Variants in ZNF619 observed in about 807,000 individuals in gnomAD.
The protein encoded by ZNF619 is zinc finger protein 619.
In ZNF619, 9 loss-of-function variants were observed where a neutral mutation model predicts 14.2. That is an observed-to-expected ratio of 0.64 (90% CI 0.38 to 1.11). The LOEUF (loss-of-function observed/expected upper bound fraction) is 1.11. Among genes scored for constraint, ZNF619 ranks in the 50% least tolerant of loss-of-function variants. The pLI is 0.01. For missense variants in ZNF619, 659 were observed against 680.1 expected, an observed-to-expected ratio of 0.97 and a Z score of 0.34; for synonymous variants, 246 against 252.8, an observed-to-expected ratio of 0.97 and a Z score of 0.26.
intron 1 of ZNF619, 127 bp from the exon 2 acceptor site, chr3:40,477,791 T>G (rs968668721): frequency 3.4e-6 from 2 of 595,492 alleles, no homozygotes; most frequent in Non-Finnish European, 6.1e-6. Flanking sequence ...CATGAATCAG[T>G]GGAGAGGGTG....
At chr3:40,479,973 A>C (rs1343548134) in intron 2 of ZNF619, among the ~76,000 whole-genome samples, 1 of 152,222 alleles carries the variant, frequency 6.6e-6, no homozygotes, top group Non-Finnish European at 1.5e-5. Context: ...GAAGGGAGTC[A>C]ATAGCCCCAC....
At chr3:40,486,585 C>T (rs745948659) in intron 4 of ZNF619, among the ~76,000 whole-genome samples, 13 of 151,948 alleles carry the variant, frequency 8.6e-5, no homozygotes, top group Non-Finnish European at 1.8e-4. Context: ...CCTGTAATCC[C>T]AGCTACTTGG....
At chr3:40,484,074 C>T (rs1358874935) in intron 4 of ZNF619, among the ~76,000 whole-genome samples, 2 of 151,856 alleles carry the variant, frequency 1.3e-5, no homozygotes, top group Non-Finnish European at 2.9e-5. Flanking sequence ...TACAGGCGCC[C>T]GCCACCACAC....
chr3:40,483,618 T>G (rs1168632469), intron 4 of ZNF619: 1 of 450,188 alleles, frequency 2.2e-6, no homozygotes, highest in Non-Finnish European at 4.4e-6. Context: ...AAAATAGATT[T>G]ATTTATTTAT....
At chr3:40,482,072 C>T (rs1055754517) in intron 3 of ZNF619, 56 bp downstream of exon 3, 2 of 1,557,176 alleles carry the variant, frequency 1.3e-6, no homozygotes, top group Non-Finnish European at 1.7e-6. Context: ...CTCCTAGATT[C>T]CTCCTTAGCA....
At chr3:40,479,070 T>G (rs1575261509) in intron 2 of ZNF619, among the ~76,000 whole-genome samples, 1 of 152,162 alleles carries the variant, frequency 6.6e-6, no homozygotes, top group Non-Finnish European at 1.5e-5. Flanking sequence ...GCAGCTCCCC[T>G]ATTATGCTCT....
chr3:40,482,599 T>G lies in ZNF619; in HGVS notation c.190T>G (p.Phe64Val). The G allele has an allele frequency of 6.2e-7, 1 of 1,614,086 alleles. No homozygotes were observed. The highest frequency in any genetic ancestry group is 8.5e-7 in the Non-Finnish European group (1 of 1,179,992). Residue 64 changes from phenylalanine to valine, a missense_variant, in exon 4 of 5, where the codon TTC (phenylalanine) becomes GTC (valine). Transcript: ENST00000432264. ...TCTTTCTCCTGTAGCAGCATTTCCA[T>G]TCCCCAAACCAGATCTGATATTCCA... ...ANVTSLSAFPFPKPDLIFQLE... is the reference protein window; with the variant it reads ...ANVTSLSAFPVPKPDLIFQLE...
chr3:40,486,118 T>C (rs1697571575), intron 4 of ZNF619, among the ~76,000 whole-genome samples: 1 of 152,222 alleles, frequency 6.6e-6, no homozygotes, highest in African/African-American at 2.4e-5. Context: ...CTCCCAGCCC[T>C]CTGGATACTA....
In ZNF619 at chr3:40,477,853, CAG is replaced by C. The variant is rs1486852917; in HGVS notation, c.-62-62_-62-61del. 7.2e-6 allele frequency: 6 copies of C among 828,838 alleles called. No homozygotes were observed. In the South Asian group the frequency reaches 7.6e-5, roughly 10 times the overall value. The allele number at this position is 828,838 out of a possible 1,614,324, so 51.3% of individuals were successfully genotyped here. ...TATCTGCAATGCTAGTGGCAGGAGA[CAG>C]AGGGGAAGAGGCGGCAAGTGTAGGA... On this transcript the variant is annotated intron_variant, in intron 1 of 4. Transcript: ENST00000432264.
In ZNF619 at chr3:40,482,693, G is replaced by T; in HGVS notation, c.284G>T (p.Gly95Val). ...CTTGCTGGGGGAGAGGCCCTGAGAG[G>T]CATGTGCACAGGTGAGCAGGAGAGC... is the stretch of plus-strand genomic sequence containing the variant. ...WTLAGGEALRGMCTGGKTKTE... is the reference protein window; with the variant it reads ...WTLAGGEALRVMCTGGKTKTE... The change falls in exon 4 of 5, where the codon GGC becomes GTC. Residue 95 changes from glycine to valine, a missense_variant. Transcript: ENST00000432264. 2 of 1,613,476 alleles carry T rather than the reference G, an allele frequency of 1.2e-6. No homozygotes were observed. Among genetic ancestry groups the T allele is most frequent in the Non-Finnish European group, 1.7e-6 (2 of 1,179,638 alleles).
intron 3 of ZNF619, 120 bp downstream of exon 3, chr3:40,482,136 C>A: frequency 6.5e-7 from 1 of 1,550,286 alleles, no homozygotes; most frequent in South Asian, 1.2e-5. Flanking sequence ...GCTGAGCTCC[C>A]TAATCCCCAG....
intron 1 of ZNF619, chr3:40,477,658 T>TA (rs139355455): frequency 5.8e-6 from 2 of 342,364 alleles, no homozygotes; most frequent in Non-Finnish European, 1.1e-5. Flanking sequence ...GAATTTTTTT[T>TA]AAAAAACAGC....
chr3:40,483,513 A>G (rs1335418800), intron 4 of ZNF619: 3 of 376,242 alleles, frequency 8.0e-6, no homozygotes, highest in African/African-American at 2.2e-5. Flanking sequence ...CTGGTCTCGA[A>G]CTCCTGCCCT....
chr3:40,483,836 C>T (rs1697491783), intron 4 of ZNF619: 1 of 335,606 alleles, frequency 3.0e-6, no homozygotes, highest in Non-Finnish European at 5.8e-6. Flanking sequence ...CCATGTTGGT[C>T]AGGCTGGTCT....
chr3:40,483,877 C>T (rs1285741621), intron 4 of ZNF619, among the ~76,000 whole-genome samples: 1 of 152,160 alleles, frequency 6.6e-6, no homozygotes, highest in Non-Finnish European at 1.5e-5. Context: ...ATCTGCCCAC[C>T]TCAGCCTCCC....
At chr3:40,482,776 A>G in intron 4 of ZNF619, 72 bp downstream of exon 4, 1 of 1,242,980 alleles carries the variant, frequency 8.0e-7, no homozygotes. Context: ...TAGCATGAAA[A>G]AGGTTTTTCC....
intron 4 of ZNF619, among the ~76,000 whole-genome samples, chr3:40,483,292 G>GTTT (rs777485499): frequency 1.4e-5 from 2 of 140,038 alleles, no homozygotes; most frequent in Non-Finnish European, 3.1e-5. Flanking sequence ...CTTGGTTTTG[G>GTTT]TTTTTTTTTT....
chr3:40,482,260 CAG>C (rs1255753245), intron 3 of ZNF619: 1 of 1,551,792 alleles, frequency 6.4e-7, no homozygotes, highest in East Asian at 2.4e-5. Flanking sequence ...CCTCTGGATA[CAG>C]AGAGAACTGA....
rs1697676067 is a variant in ZNF619 at position 40,487,947 on chromosome 3, T to C, written c.1437T>C (p.Thr479=). The C allele has an allele frequency of 6.2e-7, 1 of 1,614,202 alleles. No homozygotes were observed. Among genetic ancestry groups the C allele is most frequent in the Non-Finnish European group, 8.5e-7 (1 of 1,180,044 alleles). Residue 479 remains threonine, a synonymous_variant, in exon 5 of 5, where the codon ACT becomes ACC. Coordinates refer to ENST00000432264, the MANE Select transcript of ZNF619 (RefSeq NM_001145093.4). ...ASFIQHQKWH[T]RKKLINGTGL... is the part of the protein sequence containing the mutation. ...TCATCCAGCATCAGAAGTGGCATAC[T>C]AGGAAGAAACTCATCAATGGAACAG...
Sources: allele counts gnomAD v4.1 joint callset (sites outside exome capture counted in the v4.1 genomes callset), GRCh38; gene constraint gnomAD v4.1.1; transcripts MANE v1.5; gene names NCBI Gene and HGNC (gene_info 2026-07-23, HGNC 2026-07-21).